Variants in ERBIN observed in about 807,000 individuals in gnomAD.
ERBIN encodes erbb2 interacting protein.
In ERBIN, 60 loss-of-function variants were observed where a neutral mutation model predicts 158.4. The ratio of observed to expected loss-of-function variants is 0.38; its 90% CI spans 0.31 to 0.47. ERBIN has a LOEUF of 0.47. Ranked by LOEUF, ERBIN falls within the 20% of genes least tolerant of loss-of-function variation. ERBIN has a pLI of 0.99. For synonymous variants in ERBIN, 594 were observed against 557.2 expected (o/e 1.07, Z -0.93); for missense variants, 1,610 against 1,648.0 (o/e 0.98, Z 0.40).
chr5:66,018,492 T>TATTATAATATATAA (rs1331154080), intron 7 of ERBIN, among the ~76,000 whole-genome samples: 453 of 8,374 alleles, frequency 0.054, 132 homozygotes, highest in Non-Finnish European at 0.087. Context: ...ATATATTATA[T>TATTATAATATATAA]TATATAATAT....
chr5:65,949,761 T>A, intron 1 of ERBIN, among the ~76,000 whole-genome samples: 1 of 152,190 alleles, frequency 6.6e-6, no homozygotes, highest in Non-Finnish European at 1.5e-5. Flanking sequence ...TTCATCAAGT[T>A]TTCCACAAAT....
chr5:66,019,328 G>C (rs1755440808), intron 7 of ERBIN, among the ~76,000 whole-genome samples: 1 of 152,194 alleles, frequency 6.6e-6, no homozygotes, highest in African/African-American at 2.4e-5. Context: ...AAGAGCTGTT[G>C]TTTTAGATAT....
chr5:65,936,624 T>G (rs1744110950), intron 1 of ERBIN, among the ~76,000 whole-genome samples: 1 of 152,172 alleles, frequency 6.6e-6, no homozygotes, highest in Admixed American at 6.5e-5. Flanking sequence ...GATTCTGTCT[T>G]ACAAATGTCT....
At chr5:66,040,853 A>G (rs933168202) in intron 15 of ERBIN, among the ~76,000 whole-genome samples, 21 of 110,236 alleles carry the variant, frequency 1.9e-4, no homozygotes, top group African/African-American at 5.6e-4. Flanking sequence ...TTAAAAAAAA[A>G]AAGAGGAAAA....
chr5:65,994,548 A>G (rs1026296811), intron 3 of ERBIN, among the ~76,000 whole-genome samples, 199 bp from the exon 4 acceptor site: 8 of 152,328 alleles, frequency 5.3e-5, no homozygotes, highest in Non-Finnish European at 1.2e-4. Context: ...TTAAGGTAGA[A>G]GTATGAAGAT....
chr5:65,998,522 A>G (rs58803496), intron 4 of ERBIN, among the ~76,000 whole-genome samples: 6,086 of 151,960 alleles, frequency 0.04, 414 homozygotes, highest in African/African-American at 0.14. Context: ...AGAGCTATTT[A>G]TATTTTGAAT....
At chr5:65,990,297 G>C (rs140475283) in intron 2 of ERBIN, among the ~76,000 whole-genome samples, 1 of 152,336 alleles carries the variant, frequency 6.6e-6, no homozygotes, top group Non-Finnish European at 1.5e-5. Flanking sequence ...ACATATCTTA[G>C]AAAGTTGTAG....
At chr5:66,048,890 CAA>C (rs1758742264) in intron 19 of ERBIN, 109 bp downstream of exon 19, 3 of 623,398 alleles carry the variant, frequency 4.8e-6, no homozygotes, top group South Asian at 2.8e-5. Flanking sequence ...ATTTTAGAAA[CAA>C]ATTTTTAGAC....
At chr5:65,987,395 C>CACACACACACAA (rs1554053523) in intron 1 of ERBIN, among the ~76,000 whole-genome samples, 4 of 151,166 alleles carry the variant, frequency 2.6e-5, no homozygotes, top group African/African-American at 9.7e-5. Context: ...CACACACACA[C>CACACACACACAA]GAAAAAAGAA....
At position 66,030,322 on chromosome 5, in the gene ERBIN, G is replaced by A. The variant is rs1756730552; in HGVS notation, c.1206+1979G>A. On this transcript the variant is annotated intron_variant, in intron 14 of 25. Transcript: ENST00000284037. ...CTCCCAAAGTGCTGGGATTACAGGTGTGAGCCACCACGCCCAGCTTTACTG... is the reference window on the plus strand; with the variant it reads ...CTCCCAAAGTGCTGGGATTACAGGTATGAGCCACCACGCCCAGCTTTACTG... 3.9e-5 allele frequency among the ~76,000 whole-genome samples: 6 copies of A among 152,164 alleles called. No individual in the cohort carries two copies. The South Asian group carries it at 1.2e-3, about 32-fold the overall frequency.
Position 65,992,972 on chromosome 5 carries a change from C to T in ERBIN, c.189+65C>T, listed in dbSNP as rs552166026. ...TTTTATATCTAGAAATATGATATTC[C>T]TAATATTGCTATAAAGTTGCCAATA... On this transcript the variant is annotated intron_variant, in intron 3 of 25. Transcript: ENST00000284037. The T allele has an allele frequency of 8.2e-4, 998 of 1,215,178 alleles. 3 individuals are homozygous for T. The highest frequency in any genetic ancestry group is 1.0e-3 in the Non-Finnish European group (905 of 904,412). 75.3% of individuals were successfully genotyped at this position (1,215,178 alleles called of 1,614,324 possible). A position where few individuals can be genotyped will look rare whatever the true frequency, so the allele number is the denominator to read the frequency against.
At chr5:65,937,008 T>C (rs1580068429) in intron 1 of ERBIN, among the ~76,000 whole-genome samples, 1 of 152,230 alleles carries the variant, frequency 6.6e-6, no homozygotes, top group Non-Finnish European at 1.5e-5. Flanking sequence ...TAGTATAGTA[T>C]GTAAGAACAT....
chr5:66,005,789 T>C (rs561830415), intron 4 of ERBIN, among the ~76,000 whole-genome samples: 2 of 152,288 alleles, frequency 1.3e-5, no homozygotes, highest in African/African-American at 4.8e-5. Context: ...TGAACTCCCA[T>C]TCACAATTGC....
At chr5:66,039,707 G>A (rs967880426) in intron 15 of ERBIN, among the ~76,000 whole-genome samples, 1 of 151,816 alleles carries the variant, frequency 6.6e-6, no homozygotes, top group Non-Finnish European at 1.5e-5. Flanking sequence ...TTTTGTTATG[G>A]AAACATACTT....
chr5:66,022,530 A>G (rs1473438746), intron 8 of ERBIN, among the ~76,000 whole-genome samples: 1 of 152,198 alleles, frequency 6.6e-6, no homozygotes. Flanking sequence ...TGGTCATTAG[A>G]TGTGATAGTA....
intron 4 of ERBIN, among the ~76,000 whole-genome samples, chr5:66,006,259 C>A (rs143360760): frequency 0.04 from 6,104 of 152,246 alleles, 415 homozygotes; most frequent in African/African-American, 0.14. Context: ...ACTATCTGAT[C>A]TTTGACAAAC....
In ERBIN at chr5:66,050,766, A is replaced by G; in HGVS notation, c.1904-17A>G. On this transcript the variant is annotated splice_polypyrimidine_tract_variant and intron_variant, in intron 19 of 25. Coordinates refer to ENST00000284037, the MANE Select transcript of ERBIN (RefSeq NM_001253697.2). ...CTTGGGGAATTTATCATTAATCTTA[A>G]ATTTGTTTTGTTTCAGATGATACAA... 6.8e-7 allele frequency: 1 copy of G among 1,477,612 alleles called. No homozygotes were observed. Among genetic ancestry groups the G allele is most frequent in the Admixed American group, 2.4e-5 (1 of 41,112 alleles). The allele number at this position is 1,477,612 out of a possible 1,614,324, so 91.5% of individuals were successfully genotyped here. A position where few individuals can be genotyped will look rare whatever the true frequency, so the allele number is the denominator to read the frequency against.
At chr5:65,932,865 C>T (rs180786074) in intron 1 of ERBIN, among the ~76,000 whole-genome samples, 1 of 152,208 alleles carries the variant, frequency 6.6e-6, no homozygotes, top group Non-Finnish European at 1.5e-5. Context: ...GGCATACTCA[C>T]GGCTCACTGC....
intron 21 of ERBIN, among the ~76,000 whole-genome samples, chr5:66,071,722 ATTTTTTTT>A: frequency 7.5e-6 from 1 of 133,380 alleles, no homozygotes; most frequent in African/African-American, 2.7e-5. Context: ...ACAGCAGTTA[ATTTTTTTT>A]TTTTTTTTTT....
Sources: gnomAD v4.1 joint callset for allele counts (sites outside exome capture counted in the v4.1 genomes callset) on GRCh38, gnomAD v4.1.1 for gene constraint, MANE v1.5 for transcripts, NCBI Gene and HGNC (gene_info 2026-07-23, HGNC 2026-07-21) for gene names.